The following TOGARAM2 variants were observed in gnomAD, a reference collection of about 807,000 sequenced individuals.
TOGARAM2 encodes the protein TOG array regulator of axonemal microtubules protein 2.
TOGARAM2 carries 85 observed loss-of-function variants against 93.3 expected under a neutral mutation model. The observed-to-expected ratio is 0.91, with a 90% CI of 0.76 to 1.09. The LOEUF is 1.09. Among genes scored for constraint, TOGARAM2 ranks in the 50% least tolerant of loss-of-function variants. The pLI is 0.00. For missense variants in TOGARAM2, 1,277 were observed against 1,334.5 expected, an observed-to-expected ratio of 0.96 and a Z score of 0.67; for synonymous variants, 593 against 552.8, an observed-to-expected ratio of 1.07 and a Z score of -1.02.
intron 10 of TOGARAM2, 128 bp from the exon 11 acceptor site, chr2:29,022,030 C>A: frequency 7.9e-7 from 1 of 1,259,146 alleles, no homozygotes; most frequent in Non-Finnish European, 1.1e-6. Flanking sequence ...TCCACTTGTA[C>A]ACCCTCCCTG....
intron 1 of TOGARAM2, among the ~76,000 whole-genome samples, chr2:28,961,210 A>G (rs1671800969): frequency 6.6e-6 from 1 of 152,116 alleles, no homozygotes; most frequent in African/African-American, 2.4e-5. Flanking sequence ...CTGATATGCC[A>G]CTGCTTGGAG....
At chr2:29,033,730 C>T (rs1243748237) in intron 16 of TOGARAM2, among the ~76,000 whole-genome samples, 167 bp downstream of exon 16, 1 of 152,114 alleles carries the variant, frequency 6.6e-6, no homozygotes, top group African/African-American at 2.4e-5. Flanking sequence ...GATGTGTTCC[C>T]CCCAACCCAA....
chr2:29,022,426 A>G, intron 11 of TOGARAM2, 118 bp downstream of exon 11: 4 of 1,411,580 alleles, frequency 2.8e-6, no homozygotes, highest in Non-Finnish European at 3.8e-6. Flanking sequence ...ACCATGGAGC[A>G]TAAAAGCCAG....
chr2:28,958,770 T>G (rs186406130), intron 1 of TOGARAM2, among the ~76,000 whole-genome samples: 13 of 152,314 alleles, frequency 8.5e-5, no homozygotes, highest in Middle Eastern at 3.4e-3. Flanking sequence ...GTTAGAAGTA[T>G]AATACAAACG....
Position 29,002,630 on chromosome 2 carries a change from G to C in TOGARAM2, c.522G>C (p.Pro174=). 6.2e-7 allele frequency: 1 copy of C among 1,613,910 alleles called. No individual in the cohort carries two copies. Among genetic ancestry groups the C allele is most frequent in the Non-Finnish European group, 8.5e-7 (1 of 1,179,866 alleles). The change falls in exon 5 of 20, where the codon CCG becomes CCC. Residue 174 remains proline, a synonymous_variant. Transcript: ENST00000379558. Reference sequence around the variant, plus strand: ...AGAGGCTGCTGAGGGTGCCCAGGCCGATGCCTCTCATCCAGAGCATCCCTA... The same window carrying C: ...AGAGGCTGCTGAGGGTGCCCAGGCCCATGCCTCTCATCCAGAGCATCCCTA... The part of the protein sequence containing the change: ...TSQRLLRVPR[P]MPLIQSIPTT...
chr2:28,959,177 A>G (rs1012112807), intron 1 of TOGARAM2, among the ~76,000 whole-genome samples: 5 of 152,198 alleles, frequency 3.3e-5, no homozygotes, highest in African/African-American at 1.2e-4. Flanking sequence ...AAAAGTGCCC[A>G]GCTGTCAAGA....
intron 7 of TOGARAM2, among the ~76,000 whole-genome samples, chr2:29,013,423 G>A (rs371496137): frequency 1.1e-4 from 17 of 152,264 alleles, no homozygotes; most frequent in African/African-American, 3.1e-4. Flanking sequence ...TCCCACAGGC[G>A]GCCATCTGCA....
In TOGARAM2 at chr2:28,999,399, G is replaced by A; in HGVS notation, c.358G>A (p.Asp120Asn). The change falls in exon 4 of 20, where the codon GAC becomes AAC. Residue 120 changes from aspartate to asparagine, a missense_variant. Coordinates refer to ENST00000379558, the MANE Select transcript of TOGARAM2 (RefSeq NM_199280.4). ...GTCAGAGGCCAACAGCGTGGCCAGG[G>A]ACACCATCCAGATTAAGGACAAGCT... ...PESEANSVAR[D>N]TIQIKDKLKK... The A allele has an allele frequency of 1.2e-6, 2 of 1,613,380 alleles. No individual in the cohort carries two copies. Among genetic ancestry groups the A allele is most frequent in the Non-Finnish European group, 1.7e-6 (2 of 1,179,658 alleles).
At position 29,022,285 on chromosome 2, in the gene TOGARAM2, C is replaced by A. The variant is rs775160822; in HGVS notation, c.1488C>A (p.Leu496=). 6.8e-6 allele frequency: 11 copies of A among 1,613,876 alleles called. No homozygotes were observed. Among genetic ancestry groups the A allele is most frequent in the Non-Finnish European group, 9.3e-6 (11 of 1,179,892 alleles). The stretch of plus-strand genomic sequence containing the variant: ...CGGAGCTGGGGCTGAGGGATGCACT[C>A]CAGTGCCTCAACAGCAGTGACTGGT... ...SNPELGLRDA[L]QCLNSSDWQM... Residue 496 remains leucine (L), a synonymous_variant, in exon 11 of 20, where the codon CTC becomes CTA. Transcript: ENST00000379558.
chr2:28,984,882 T>C (rs992249426), intron 1 of TOGARAM2, among the ~76,000 whole-genome samples: 11 of 152,182 alleles, frequency 7.2e-5, no homozygotes, highest in Admixed American at 5.2e-4. Flanking sequence ...GGTGACCATT[T>C]TGGGGAGGCC....
At chr2:28,973,096 T>C (rs1671971870) in intron 1 of TOGARAM2, among the ~76,000 whole-genome samples, 1 of 152,166 alleles carries the variant, frequency 6.6e-6, no homozygotes. Context: ...TCCTGCACCT[T>C]CACATCCTCT....
intron 3 of TOGARAM2, among the ~76,000 whole-genome samples, 190 bp downstream of exon 3, chr2:28,998,443 G>A (rs1194226685): frequency 9.2e-5 from 14 of 152,246 alleles, no homozygotes; most frequent in Admixed American, 9.2e-4. Flanking sequence ...GGTTGGAGGT[G>A]TGCAGAGGGG....
In TOGARAM2 at chr2:29,022,257, A is replaced by C. The variant is rs1226427512; in HGVS notation, c.1460A>C (p.Asn487Thr). 1.2e-6 allele frequency: 2 copies of C among 1,614,008 alleles called. No individual in the cohort carries two copies. Among genetic ancestry groups the C allele is most frequent in the Non-Finnish European group, 1.7e-6 (2 of 1,179,884 alleles). Residue 487 changes from asparagine (N) to threonine (T), a missense_variant, in exon 11 of 20, where the codon AAC (asparagine) becomes ACC (threonine). Asn to Thr is a moderately conservative substitution (Grantham distance 65). Transcript: ENST00000379558. ...RACKELRPFS[N>T]PELGLRDALQ... ...TGTAAGGAGTTGAGGCCTTTCTCGAACCCGGAGCTGGGGCTGAGGGATGCA... is the reference window on the plus strand; with the variant it reads ...TGTAAGGAGTTGAGGCCTTTCTCGACCCCGGAGCTGGGGCTGAGGGATGCA...
chr2:29,014,916 G>A (rs1401701384), intron 8 of TOGARAM2, among the ~76,000 whole-genome samples: 1 of 152,162 alleles, frequency 6.6e-6, no homozygotes, highest in African/African-American at 2.4e-5. Flanking sequence ...TAGGTGAACT[G>A]CGCTGCGTGG....
chr2:29,004,749 T>C lies in TOGARAM2; in HGVS notation c.830+1067T>C, dbSNP rs201877353. Reference sequence around the variant, plus strand: ...ATGTGTGAGTGCATGCATGTGTGTGTGTGTCTGAGTGTGTGTGTGCATGAG... The same window carrying C: ...ATGTGTGAGTGCATGCATGTGTGTGCGTGTCTGAGTGTGTGTGTGCATGAG... On this transcript the variant is annotated intron_variant, in intron 6 of 19. Coordinates refer to ENST00000379558, the MANE Select transcript of TOGARAM2 (RefSeq NM_199280.4). 4.3e-4 allele frequency among the ~76,000 whole-genome samples: 62 copies of C among 144,666 alleles called. 1 individual carries two copies. The South Asian group carries it at 0.011, about 26-fold the overall frequency. 94.9% of individuals were successfully genotyped at this position (144,666 alleles called of 152,430 possible).
intron 18 of TOGARAM2, among the ~76,000 whole-genome samples, chr2:29,039,827 T>C (rs1010108502): frequency 2.0e-4 from 31 of 152,210 alleles, no homozygotes; most frequent in African/African-American, 7.2e-4. Context: ...TGGCTCTGTC[T>C]TTGGGCTCTT....
chr2:28,999,449 C>T lies in TOGARAM2; in HGVS notation c.408C>T (p.Gly136=), dbSNP rs1673168377. 6.2e-7 allele frequency: 1 copy of T among 1,609,014 alleles called. No individual in the cohort carries two copies. Among genetic ancestry groups the T allele is most frequent in the Non-Finnish European group, 8.5e-7 (1 of 1,177,236 alleles). ...TCAAGAAAAGGAGGCTCTCAGAGGG[C>T]TTGGCAGCGTCTTCCCGAGGTGAGC... The part of the protein sequence containing the change: ...DKLKKRRLSE[G]LAASSRASLD... Residue 136 remains glycine, a synonymous_variant, in exon 4 of 20, where the codon GGC becomes GGT. Transcript: ENST00000379558.
intron 19 of TOGARAM2, chr2:29,049,903 GA>G (rs1666970264): frequency 6.6e-6 from 1 of 152,322 alleles, no homozygotes; most frequent in East Asian, 1.9e-4. Flanking sequence ...ATGTCACCAA[GA>G]GAGTGTCAGG....
At chr2:28,995,029 C>T (rs1466729834) in intron 2 of TOGARAM2, among the ~76,000 whole-genome samples, 167 bp downstream of exon 2, 1 of 152,250 alleles carries the variant, frequency 6.6e-6, no homozygotes, top group Non-Finnish European at 1.5e-5. Context: ...CCACATGCTG[C>T]CGCTCAGCTG....
Sources: allele counts gnomAD v4.1 joint callset (sites outside exome capture counted in the v4.1 genomes callset), GRCh38; gene constraint gnomAD v4.1.1; transcripts MANE v1.5; gene names NCBI Gene and HGNC (gene_info 2026-07-23, HGNC 2026-07-21).